The following GMPR variants were observed in gnomAD, a reference collection of about 807,000 sequenced individuals.
GMPR encodes the protein GMP reductase 1.
GMPR carries 31 observed loss-of-function variants against 38.4 expected under a neutral mutation model. That is an observed-to-expected ratio of 0.81 (90% CI 0.61 to 1.09). The LOEUF (loss-of-function observed/expected upper bound fraction) is 1.09, where lower values mean the gene tolerates loss of function less well. GMPR is among the 50% of genes least tolerant of loss of function. GMPR has a pLI of 0.00. For missense variants in GMPR, 468 were observed against 453.7 expected, an observed-to-expected ratio of 1.03 and a Z score of -0.29; for synonymous variants, 162 against 173.3, an observed-to-expected ratio of 0.93 and a Z score of 0.51.
At chr6:16,283,483 G>A (rs1302151274) in intron 6 of GMPR, among the ~76,000 whole-genome samples, 1 of 152,144 alleles carries the variant, frequency 6.6e-6, no homozygotes, top group Non-Finnish European at 1.5e-5. Context: ...GATTGCTCTT[G>A]GTTAAATGTA....
intron 1 of GMPR, among the ~76,000 whole-genome samples, chr6:16,242,283 G>T (rs1479748576): frequency 6.6e-6 from 1 of 152,020 alleles, no homozygotes; most frequent in Non-Finnish European, 1.5e-5. Flanking sequence ...TGGCAGAGTG[G>T]CTGGGAGGAA....
rs555170493 is a variant in GMPR at position 16,261,314 on chromosome 6, G to T, written c.465+6579G>T. Among the ~76,000 whole-genome samples the T allele has an allele frequency of 3.9e-5, 6 of 152,172 alleles. No homozygotes were observed. In the South Asian group the frequency reaches 1.2e-3, roughly 32 times the overall value. The stretch of plus-strand genomic sequence containing the variant: ...TGCTTAGATAGGTAACAGATAAGGA[G>T]AAAATTTGGGCTTGACTGAAGTAAT... On this transcript the variant is annotated intron_variant, in intron 4 of 8. Coordinates refer to ENST00000259727, the MANE Select transcript of GMPR (RefSeq NM_006877.4).
Position 16,295,123 on chromosome 6 carries a change from G to C in GMPR, c.975G>C (p.Lys325Asn). 6.3e-7 allele frequency: 1 copy of C among 1,577,312 alleles called. No homozygotes were observed. Among genetic ancestry groups the C allele is most frequent in the Middle Eastern group, 1.7e-4 (1 of 5,836 alleles). Reference protein sequence around the residue: ...TCTYVGAAKLKELSRRATFIR... With the variant: ...TCTYVGAAKLNELSRRATFIR... ...CCTACGTGGGGGCCGCCAAACTCAAGGAGCTCAGCAGGAGGGCAACATTCA... is the reference window on the plus strand; with the variant it reads ...CCTACGTGGGGGCCGCCAAACTCAACGAGCTCAGCAGGAGGGCAACATTCA... The change falls in exon 9 of 9, where the codon AAG becomes AAC. Residue 325 changes from lysine to asparagine, a missense_variant. Lys to Asn is a moderately conservative substitution (Grantham distance 94, BLOSUM62 0). Transcript: ENST00000259727.
intron 7 of GMPR, chr6:16,289,646 C>T (rs1199035890): frequency 6.8e-6 from 1 of 146,872 alleles, no homozygotes; most frequent in Admixed American, 6.8e-5. Context: ...TAGACGACTT[C>T]CATAACACGG....
chr6:16,295,512 G>C lies in GMPR; in HGVS notation c.*326G>C. Reference sequence around the variant, plus strand: ...TTTCTTTCTTTTTTAAAAGAAGATGGTTTCACTTTAATATAATGCTATTAT... The same window carrying C: ...TTTCTTTCTTTTTTAAAAGAAGATGCTTTCACTTTAATATAATGCTATTAT... On this transcript the variant is annotated 3_prime_UTR_variant, in exon 9 of 9. Transcript: ENST00000259727. The C allele has an allele frequency of 4.6e-6, 1 of 217,538 alleles. No homozygotes were observed. The highest frequency in any genetic ancestry group is 9.0e-6 in the Non-Finnish European group (1 of 111,614). The allele number at this position is 217,538 out of a possible 1,614,324, so 13.5% of individuals were successfully genotyped here.
At chr6:16,279,013 G>A (rs1048172602) in intron 6 of GMPR, 123 bp downstream of exon 6, 31 of 640,072 alleles carry the variant, frequency 4.8e-5, no homozygotes, top group African/African-American at 2.2e-4. Context: ...CGGTCACAGC[G>A]CTGACATTCA....
At chr6:16,265,475 A>G (rs1439037709) in intron 4 of GMPR, among the ~76,000 whole-genome samples, 1 of 152,220 alleles carries the variant, frequency 6.6e-6, no homozygotes, top group Non-Finnish European at 1.5e-5. Context: ...AGGTGAAGCC[A>G]GCTTGACTTT....
intron 3 of GMPR, among the ~76,000 whole-genome samples, chr6:16,251,368 C>T (rs1758872171): frequency 6.6e-6 from 1 of 152,136 alleles, no homozygotes; most frequent in African/African-American, 2.4e-5. Flanking sequence ...GTCGGGAGTT[C>T]GAGTCCAACC....
chr6:16,266,911 A>C (rs1174486860), intron 4 of GMPR, among the ~76,000 whole-genome samples: 2 of 152,018 alleles, frequency 1.3e-5, no homozygotes, highest in African/African-American at 4.8e-5. Context: ...TGCCACCTTT[A>C]AGAGCTGTAA....
Position 16,241,033 on chromosome 6 carries a change from C to T in GMPR, c.87+2253C>T, listed in dbSNP as rs537058937. Among the ~76,000 whole-genome samples, 5 of 152,196 alleles carry T rather than the reference C, an allele frequency of 3.3e-5. No individual in the cohort carries two copies. The South Asian group carries it at 1.0e-3, about 32-fold the overall frequency. On this transcript the variant is annotated intron_variant, in intron 1 of 8. Coordinates refer to ENST00000259727, the MANE Select transcript of GMPR (RefSeq NM_006877.4). ...CCCTAATCCCCTCTCAATGTTTTCTCAGTTTGCTTGTTGATGCCTGAAATT... is the reference window on the plus strand; with the variant it reads ...CCCTAATCCCCTCTCAATGTTTTCTTAGTTTGCTTGTTGATGCCTGAAATT...
intron 4 of GMPR, among the ~76,000 whole-genome samples, chr6:16,271,953 G>A (rs1435738885): frequency 4.6e-5 from 7 of 152,188 alleles, no homozygotes. Context: ...CCTCACACCT[G>A]TAATTGCAGC....
intron 2 of GMPR, among the ~76,000 whole-genome samples, chr6:16,247,758 G>T (rs1304907163): frequency 1.3e-5 from 2 of 150,876 alleles, no homozygotes; most frequent in African/African-American, 4.9e-5. Context: ...GGAGGGGTAG[G>T]TCACTTGCCC....
intron 6 of GMPR, among the ~76,000 whole-genome samples, chr6:16,281,798 G>A (rs1254432227): frequency 1.3e-5 from 2 of 152,152 alleles, no homozygotes; most frequent in Non-Finnish European, 2.9e-5. Flanking sequence ...GTAAGCCACC[G>A]TGCCCGGCCT....
At chr6:16,283,832 A>C (rs1354350835) in intron 6 of GMPR, among the ~76,000 whole-genome samples, 1 of 152,254 alleles carries the variant, frequency 6.6e-6, no homozygotes, top group Non-Finnish European at 1.5e-5. Flanking sequence ...GCATGAGTTT[A>C]TTTAATGTGT....
intron 6 of GMPR, among the ~76,000 whole-genome samples, chr6:16,283,657 A>C (rs1445454177): frequency 1.3e-5 from 2 of 152,288 alleles, no homozygotes; most frequent in East Asian, 3.9e-4. Context: ...TGGGAAGAGA[A>C]AGGCTGATTT....
intron 4 of GMPR, among the ~76,000 whole-genome samples, chr6:16,260,261 T>A (rs914110004): frequency 3.3e-5 from 5 of 152,046 alleles, no homozygotes; most frequent in Admixed American, 2.0e-4. Flanking sequence ...TATAAAGGTT[T>A]CACTGAATAC....
At chr6:16,271,631 CT>C (rs1759388440) in intron 4 of GMPR, among the ~76,000 whole-genome samples, 1 of 152,176 alleles carries the variant, frequency 6.6e-6, no homozygotes, top group South Asian at 2.1e-4. Context: ...GTTAGGTTCT[CT>C]GTCAGGGACA....
chr6:16,281,131 C>A (rs190946655), intron 6 of GMPR, among the ~76,000 whole-genome samples: 1 of 152,310 alleles, frequency 6.6e-6, no homozygotes, highest in Non-Finnish European at 1.5e-5. Flanking sequence ...CCCAGACCAG[C>A]AGCAGCAGTA....
intron 4 of GMPR, among the ~76,000 whole-genome samples, chr6:16,267,129 C>T (rs1172098742): frequency 2.6e-5 from 4 of 151,974 alleles, no homozygotes; most frequent in African/African-American, 7.3e-5. Context: ...TTTGGGAGGC[C>T]GAGGTGGGCG....
Sources: allele counts gnomAD v4.1 joint callset (sites outside exome capture counted in the v4.1 genomes callset), GRCh38; gene constraint gnomAD v4.1.1; transcripts MANE v1.5; gene names NCBI Gene and HGNC (gene_info 2026-07-23, HGNC 2026-07-21).